PTPRD: variants seen among roughly 807,000 people sequenced by gnomAD.
PTPRD encodes the protein receptor-type tyrosine-protein phosphatase delta.
A neutral mutation model predicts 214.5 loss-of-function variants in PTPRD; 34 were observed. The ratio of observed to expected loss-of-function variants is 0.16; its 90% confidence interval spans 0.12 to 0.21. The LOEUF is 0.21. Among genes scored for constraint, PTPRD ranks in the 10% least tolerant of loss-of-function variants. The probability of loss-of-function intolerance (pLI) is 1.00; values close to 1 mark genes in which losing one functional copy is unlikely to be tolerated. For synonymous variants in PTPRD, 1,128 were observed against 845.7 expected (o/e 1.33, Z -5.79); for missense variants, 2,545 against 2,398.7 (o/e 1.06, Z -1.27).
chr9:10,448,306 G>A (rs111558440), intron 2 of PTPRD, among the ~76,000 whole-genome samples: 3 of 152,040 alleles, frequency 2.0e-5, no homozygotes, highest in African/African-American at 7.3e-5. Context: ...GCCAAACAGA[G>A]GGCAACAAAG....
At chr9:9,669,575 T>A (rs1486035039) in intron 7 of PTPRD, among the ~76,000 whole-genome samples, 1 of 152,166 alleles carries the variant, frequency 6.6e-6, no homozygotes, top group Non-Finnish European at 1.5e-5. Flanking sequence ...AAATGATGTT[T>A]TTAAACTTGT....
chr9:9,202,107 TGG>T (rs1167835951), intron 9 of PTPRD, among the ~76,000 whole-genome samples: 1 of 152,158 alleles, frequency 6.6e-6, no homozygotes, highest in Non-Finnish European at 1.5e-5. Flanking sequence ...GATAGTGTGT[TGG>T]GTAGCACACA....
chr9:8,942,822 C>A (rs955828511), intron 11 of PTPRD, among the ~76,000 whole-genome samples: 3 of 151,968 alleles, frequency 2.0e-5, no homozygotes, highest in African/African-American at 7.2e-5. Flanking sequence ...AAAAAAATTT[C>A]TTTGCAGAAG....
chr9:9,587,022 C>G (rs964800295), intron 7 of PTPRD, among the ~76,000 whole-genome samples: 1 of 151,666 alleles, frequency 6.6e-6, no homozygotes, highest in Admixed American at 6.6e-5. Context: ...TCTATCATAG[C>G]AATGTTGAAA....
intron 11 of PTPRD, among the ~76,000 whole-genome samples, chr9:8,988,342 C>T (rs1281524967): frequency 2.6e-5 from 4 of 151,908 alleles, no homozygotes; most frequent in Admixed American, 2.6e-4. Flanking sequence ...ATATGGAGTC[C>T]AATTAATCTG....
At chr9:8,782,852 CCG>C (rs1338289487) in intron 11 of PTPRD, among the ~76,000 whole-genome samples, 2 of 152,052 alleles carry the variant, frequency 1.3e-5, no homozygotes, top group African/African-American at 2.4e-5. Flanking sequence ...CCTTGGCCCC[CCG>C]CAAAGGGCTG....
intron 7 of PTPRD, among the ~76,000 whole-genome samples, chr9:9,631,191 T>TAATAAGTA (rs1226913876): frequency 9.1e-6 from 1 of 110,016 alleles, no homozygotes. Context: ...AGTATCTCAT[T>TAATAAGTA]CATAAATAAA....
intron 10 of PTPRD, among the ~76,000 whole-genome samples, chr9:9,079,588 G>C (rs954340831): frequency 7.3e-5 from 11 of 150,362 alleles, no homozygotes; most frequent in African/African-American, 2.8e-4. Flanking sequence ...TCTCCATAGT[G>C]GTTGCACTAG....
rs2099308834 is a variant in PTPRD at position 8,980,813 on chromosome 9, AC to A, written c.-104+37883del. On this transcript the variant is annotated intron_variant, in intron 11 of 45. Coordinates refer to ENST00000381196, the MANE Select transcript of PTPRD (RefSeq NM_002839.4). Reference sequence around the variant, plus strand: ...TCTCAAAGCCAATCCCTGGGGACTTACGGTGTACATTTATGAATCATGTAGG... The same window carrying A: ...TCTCAAAGCCAATCCCTGGGGACTTAGGTGTACATTTATGAATCATGTAGG... Among the ~76,000 whole-genome samples the A allele has an allele frequency of 5.3e-5, 8 of 152,212 alleles. No individual in the cohort carries two copies. The South Asian group carries it at 1.7e-3, about 32-fold the overall frequency.
At chr9:9,021,748 T>C (rs2099570451) in intron 10 of PTPRD, among the ~76,000 whole-genome samples, 1 of 152,048 alleles carries the variant, frequency 6.6e-6, no homozygotes, top group Non-Finnish European at 1.5e-5. Context: ...TGTCTTAATT[T>C]TTAGTAAAAA....
At chr9:8,680,627 C>T (rs768973626) in intron 12 of PTPRD, among the ~76,000 whole-genome samples, 1 of 152,054 alleles carries the variant, frequency 6.6e-6, no homozygotes, top group Non-Finnish European at 1.5e-5. Flanking sequence ...ATTAAATATA[C>T]ACACACAGCT....
At chr9:8,493,073 C>T (rs1362141660) in intron 26 of PTPRD, 94 bp from the exon 27 acceptor site, 8 of 999,142 alleles carry the variant, frequency 8.0e-6, no homozygotes, top group South Asian at 5.7e-5. Flanking sequence ...TGCAAATGCT[C>T]GCACATCCCT....
chr9:9,129,597 A>T (rs915888565), intron 10 of PTPRD, among the ~76,000 whole-genome samples: 1 of 152,152 alleles, frequency 6.6e-6, no homozygotes, highest in African/African-American at 2.4e-5. Context: ...ATATCACTAT[A>T]GGTAATATGC....
chr9:9,560,697 G>C (rs1425687117), intron 8 of PTPRD, among the ~76,000 whole-genome samples: 1 of 152,170 alleles, frequency 6.6e-6, no homozygotes, highest in Non-Finnish European at 1.5e-5. Context: ...AAGGGGAGTG[G>C]GTGGATGGGC....
At chr9:9,835,601 C>A (rs1002822801) in intron 5 of PTPRD, among the ~76,000 whole-genome samples, 1 of 152,090 alleles carries the variant, frequency 6.6e-6, no homozygotes, top group Admixed American at 6.6e-5. Context: ...CTTCTTTTGA[C>A]AAATAGCTCT....
chr9:10,425,109 G>A (rs956544097), intron 2 of PTPRD, among the ~76,000 whole-genome samples: 4 of 151,880 alleles, frequency 2.6e-5, no homozygotes, highest in African/African-American at 7.2e-5. Flanking sequence ...ATTTTAATAA[G>A]AGTCTTGGTG....
chr9:10,581,778 A>G (rs1418071832), intron 2 of PTPRD, among the ~76,000 whole-genome samples: 2 of 152,160 alleles, frequency 1.3e-5, no homozygotes, highest in East Asian at 3.9e-4. Flanking sequence ...AGGGTATTAA[A>G]TAGAAATTAA....
Position 9,337,933 on chromosome 9 carries a change from C to T in PTPRD, c.-203+59516G>A, listed in dbSNP as rs145072609. On this transcript the variant is annotated intron_variant, in intron 9 of 45. Coordinates refer to ENST00000381196, the MANE Select transcript of PTPRD (RefSeq NM_002839.4). ...ATGCAACCATAAAATTATAAAATTG[C>T]GGAATTTTACTTTCTTCATACATTC... Among the ~76,000 whole-genome samples, 308 of 152,138 alleles carry T rather than the reference C, an allele frequency of 2.0e-3. 2 individuals carry two copies. Among genetic ancestry groups the T allele is most frequent in the African/African-American group, 6.5e-3 (268 of 41,510 alleles).
chr9:9,938,466 G>C (rs1316566833), intron 5 of PTPRD, 41 bp downstream of exon 5: 1 of 152,148 alleles, frequency 6.6e-6, no homozygotes, highest in Non-Finnish European at 1.5e-5. Context: ...TACACATCTT[G>C]TGTCATGGGA....
Sources: allele counts gnomAD v4.1 joint callset (sites outside exome capture counted in the v4.1 genomes callset), GRCh38; gene constraint gnomAD v4.1.1; transcripts MANE v1.5; gene names NCBI Gene and HGNC (gene_info 2026-07-23, HGNC 2026-07-21).